Variants in FAM81A observed in about 807,000 individuals in gnomAD.
FAM81A encodes the protein family with sequence similarity 81 member A.
In FAM81A, 19 loss-of-function variants were observed where a neutral mutation model predicts 46.7. That is an observed-to-expected ratio of 0.41 (90% CI 0.28 to 0.60). The LOEUF is 0.60. FAM81A is among the 20% of genes least tolerant of loss of function. The pLI, the probability that FAM81A is intolerant of heterozygous loss-of-function variation, is 0.34. For synonymous variants in FAM81A, 183 were observed against 152.9 expected (o/e 1.20, Z -1.45); for missense variants, 377 against 453.5 (o/e 0.83, Z 1.53).
In FAM81A at chr15:59,460,219, A is replaced by G. The variant is rs2081534993; in HGVS notation, c.294+13A>G. The G allele has an allele frequency of 6.2e-7, 1 of 1,614,006 alleles. No individual in the cohort carries two copies. Among genetic ancestry groups the G allele is most frequent in the African/African-American group, 1.3e-5 (1 of 75,040 alleles). On this transcript the variant is annotated intron_variant, in intron 3 of 8. Transcript: ENST00000288228. This position sits in a 1 kb window ranked among gnomAD's most constrained non-coding sequence, Gnocchi z 4.4. ...TCGGGATATCGAGGTAAGGTTTGTG[A>G]AAGTCAGGTGGCCTATGTCCCTTTC...
chr15:59,423,633 T>A (rs1216895272), intron 2 of FAM81A, among the ~76,000 whole-genome samples: 3 of 152,104 alleles, frequency 2.0e-5, no homozygotes, highest in Non-Finnish European at 2.9e-5. Context: ...TAGGAAGCAA[T>A]AAAATGGATA....
intron 4 of FAM81A, among the ~76,000 whole-genome samples, chr15:59,499,057 T>G (rs2082063676): frequency 1.3e-5 from 2 of 152,348 alleles, no homozygotes; most frequent in Non-Finnish European, 2.9e-5. Context: ...GTTTTTATCA[T>G]GAAGGGGATT....
At chr15:59,512,442 A>C (rs2082221187) in intron 6 of FAM81A, among the ~76,000 whole-genome samples, 2 of 140,950 alleles carry the variant, frequency 1.4e-5, no homozygotes, top group Admixed American at 7.5e-5. Flanking sequence ...ACTGTACTCC[A>C]GCCTGGGCGA....
chr15:59,417,198 T>C (rs2081150328), intron 2 of FAM81A, among the ~76,000 whole-genome samples: 1 of 152,170 alleles, frequency 6.6e-6, no homozygotes, highest in Admixed American at 6.5e-5. Flanking sequence ...GGATGCGTGC[T>C]GAATACCCAG....
chr15:59,475,365 C>T (rs909517879), intron 3 of FAM81A, among the ~76,000 whole-genome samples: 50 of 152,162 alleles, frequency 3.3e-4, no homozygotes, highest in African/African-American at 1.2e-3. Flanking sequence ...TGGTCTTGAG[C>T]TCCTGTCCTC....
upstream of FAM81A, among the ~76,000 whole-genome samples, chr15:59,436,257 G>A (rs540500423): frequency 3.9e-5 from 6 of 152,194 alleles, no homozygotes; most frequent in Admixed American, 2.6e-4. Flanking sequence ...AAAAATCAAA[G>A]TTCAGTTTTG....
intron 3 of FAM81A, among the ~76,000 whole-genome samples, chr15:59,491,200 G>A (rs1454536749): frequency 6.6e-6 from 1 of 152,222 alleles, no homozygotes; most frequent in Non-Finnish European, 1.5e-5. Context: ...AAGAAGTGTG[G>A]TACAGATACA....
intron 2 of FAM81A, among the ~76,000 whole-genome samples, chr15:59,405,730 CAAG>C (rs2081091359): frequency 6.6e-6 from 1 of 152,204 alleles, no homozygotes; most frequent in Admixed American, 6.5e-5. Context: ...ACTCCACACA[CAAG>C]GAGAGAACAA....
intron 2 of FAM81A, among the ~76,000 whole-genome samples, chr15:59,421,790 T>C (rs56291635): frequency 0.19 from 26,402 of 142,696 alleles, 3,000 homozygotes; most frequent in South Asian, 0.36. Flanking sequence ...TATCTATCTA[T>C]CTACCTACCT....
chr15:59,411,874 A>G (rs1005703775), intron 2 of FAM81A, among the ~76,000 whole-genome samples: 3 of 150,884 alleles, frequency 2.0e-5, no homozygotes, highest in Non-Finnish European at 4.4e-5. Flanking sequence ...AGACTGCACC[A>G]CTGCAATCCG....
At chr15:59,510,694 C>G (rs920924946) in intron 6 of FAM81A, among the ~76,000 whole-genome samples, 21 of 134,032 alleles carry the variant, frequency 1.6e-4, no homozygotes, top group Admixed American at 1.4e-3. Flanking sequence ...AAGAGAATTG[C>G]TTGAGTCCAG....
intron 2 of FAM81A, among the ~76,000 whole-genome samples, chr15:59,408,674 A>G (rs1049637247): frequency 4.6e-5 from 7 of 152,050 alleles, no homozygotes; most frequent in Non-Finnish European, 4.4e-5. Flanking sequence ...TAAAAATACA[A>G]AAAAATGAGC....
intron 6 of FAM81A, 55 bp from the exon 7 acceptor site, chr15:59,514,233 TA>T: frequency 2.3e-5 from 34 of 1,451,460 alleles, no homozygotes; most frequent in South Asian, 2.8e-5. Flanking sequence ...GAACTTAAAA[TA>T]AAAAAAATAA....
chr15:59,519,646 A>G (rs1184354107), intron 8 of FAM81A, among the ~76,000 whole-genome samples: 2 of 131,226 alleles, frequency 1.5e-5, no homozygotes, highest in African/African-American at 5.9e-5. Flanking sequence ...GATTCCACAT[A>G]TGAGATCGTG....
intron 1 of FAM81A, chr15:59,402,065 G>C: frequency 1.9e-6 from 1 of 531,928 alleles, no homozygotes; most frequent in Non-Finnish European, 3.4e-6. Flanking sequence ...CTCAATTTTC[G>C]GGTCTTAGAG....
intron 2 of FAM81A, among the ~76,000 whole-genome samples, chr15:59,415,277 C>A (rs2081141662): frequency 6.6e-6 from 1 of 152,074 alleles, no homozygotes; most frequent in African/African-American, 2.4e-5. Flanking sequence ...TAACACCACG[C>A]CTGGCTAATT....
intron 2 of FAM81A, among the ~76,000 whole-genome samples, chr15:59,421,416 G>A (rs11857940): frequency 0.042 from 6,465 of 152,196 alleles, 153 homozygotes; most frequent in African/African-American, 0.056. Flanking sequence ...AGGAAAATGG[G>A]CAGCTTAGCG....
chr15:59,467,233 A>G (rs1196914093), intron 3 of FAM81A, among the ~76,000 whole-genome samples: 9 of 152,124 alleles, frequency 5.9e-5, no homozygotes, highest in Non-Finnish European at 1.3e-4. Flanking sequence ...GTTTTTTTCA[A>G]TTCTGTGAAG....
At chr15:59,518,954 T>C (rs1445749084) in intron 8 of FAM81A, among the ~76,000 whole-genome samples, 1 of 142,832 alleles carries the variant, frequency 7.0e-6, no homozygotes, top group African/African-American at 2.5e-5. Flanking sequence ...TGTGTGTGTG[T>C]GTGTGTGTGT....
Sources: allele counts gnomAD v4.1 joint callset (sites outside exome capture counted in the v4.1 genomes callset), GRCh38; gene constraint gnomAD v4.1.1; non-coding constraint Gnocchi (gnomAD v3.1); transcripts MANE v1.5; gene names NCBI Gene and HGNC (gene_info 2026-07-23, HGNC 2026-07-21).